SLC16A12: variants seen among roughly 807,000 people sequenced by gnomAD.
The protein encoded by SLC16A12 is solute carrier family 16 member 12, also known as monocarboxylate transporter 12.
A neutral mutation model predicts 42.4 loss-of-function variants in SLC16A12; 17 were observed. The ratio of observed to expected loss-of-function variants is 0.40; its 90% CI spans 0.27 to 0.60. The LOEUF (loss-of-function observed/expected upper bound fraction) is 0.60. Among genes scored for constraint, SLC16A12 ranks in the 20% least tolerant of loss-of-function variants. The pLI, the probability that SLC16A12 is intolerant of heterozygous loss-of-function variation, is 0.42. For missense variants in SLC16A12, 544 were observed against 623.0 expected, an observed-to-expected ratio of 0.87 and a Z score of 1.35; for synonymous variants, 224 against 229.4, an observed-to-expected ratio of 0.98 and a Z score of 0.21.
intron 3 of SLC16A12, among the ~76,000 whole-genome samples, chr10:89,447,980 A>ATAT (rs1357397875): frequency 6.6e-6 from 1 of 152,196 alleles, no homozygotes; most frequent in Non-Finnish European, 1.5e-5. Context: ...GAATACTATA[A>ATAT]ACACCTCTAT....
rs1334897322 is a variant in SLC16A12, at chr10:89,509,486, CA to C, written c.-47+25014del. Reference sequence around the variant, plus strand: ...TCCATCACATAAACAGAACCAACAACAAAAACTACATTATCTTGATATTTGC... The same window carrying C: ...TCCATCACATAAACAGAACCAACAACAAAACTACATTATCTTGATATTTGC... On this transcript the variant is annotated intron_variant, in intron 2 of 7. Transcript: ENST00000371790. Among the ~76,000 whole-genome samples, 3 of 152,220 alleles carry C rather than the reference CA, an allele frequency of 2.0e-5. No homozygotes were observed. In the East Asian group the frequency reaches 5.8e-4, roughly 29 times the overall value.
chr10:89,465,565 GC>G (rs1842380450), intron 2 of SLC16A12, among the ~76,000 whole-genome samples: 1 of 152,158 alleles, frequency 6.6e-6, no homozygotes, highest in South Asian at 2.1e-4. Flanking sequence ...TGAATAAGTA[GC>G]TTTAACAGTC....
At chr10:89,443,037 T>G (rs1386542676) in intron 4 of SLC16A12, among the ~76,000 whole-genome samples, 1 of 152,204 alleles carries the variant, frequency 6.6e-6, no homozygotes. Context: ...TGAAATTTAT[T>G]TTAAACAAAT....
intron 2 of SLC16A12, among the ~76,000 whole-genome samples, chr10:89,482,535 C>G (rs901561221): frequency 2.0e-5 from 3 of 152,116 alleles, no homozygotes; most frequent in African/African-American, 7.2e-5. Flanking sequence ...AATCCCAGCA[C>G]TTGGGGAGGC....
At chr10:89,434,078 G>A (rs1841737357) in intron 7 of SLC16A12, among the ~76,000 whole-genome samples, 1 of 152,094 alleles carries the variant, frequency 6.6e-6, no homozygotes, top group Non-Finnish European at 1.5e-5. Flanking sequence ...CACCAGAGAA[G>A]TATATGATTT....
intron 2 of SLC16A12, among the ~76,000 whole-genome samples, chr10:89,466,987 A>G (rs1412522899): frequency 6.6e-6 from 1 of 152,144 alleles, no homozygotes; most frequent in Non-Finnish European, 1.5e-5. Context: ...GTCTACCTAC[A>G]CCTGTGACAA....
upstream of SLC16A12, among the ~76,000 whole-genome samples, chr10:89,539,501 C>A (rs1014092771): frequency 6.6e-6 from 1 of 152,180 alleles, no homozygotes; most frequent in Non-Finnish European, 1.5e-5. Context: ...TTCTGAGAAG[C>A]CTGACACCTT....
chr10:89,436,840 A>AAGGAAG (rs1841796281), intron 6 of SLC16A12, among the ~76,000 whole-genome samples: 9 of 140,422 alleles, frequency 6.4e-5, no homozygotes, highest in African/African-American at 2.5e-4. Context: ...GGAAATAAGG[A>AAGGAAG]GAAAGAAAGA....
intron 2 of SLC16A12, among the ~76,000 whole-genome samples, chr10:89,483,064 A>C (rs1842691774): frequency 6.6e-6 from 1 of 152,170 alleles, no homozygotes; most frequent in Non-Finnish European, 1.5e-5. Flanking sequence ...CAGCAAATTC[A>C]GTTTCTGGGG....
chr10:89,545,964 G>C (rs1186986733), intron 2 of SLC16A12, among the ~76,000 whole-genome samples: 1 of 152,130 alleles, frequency 6.6e-6, no homozygotes, highest in Non-Finnish European at 1.5e-5. Context: ...GTAGTAAATG[G>C]TGCTGGGAAA....
intron 2 of SLC16A12, among the ~76,000 whole-genome samples, chr10:89,468,301 C>A (rs1842437627): frequency 6.6e-6 from 1 of 152,148 alleles, no homozygotes. Context: ...AACAATTTCT[C>A]ATGAATAAGC....
chr10:89,539,905 C>CTTTCTT (rs1554834033), upstream of SLC16A12, among the ~76,000 whole-genome samples: 38 of 140,732 alleles, frequency 2.7e-4, no homozygotes, highest in African/African-American at 1.0e-3. Context: ...TTCTTTCTTT[C>CTTTCTT]TTTCTTTTTT....
chr10:89,511,391 T>C (rs1037636251), intron 2 of SLC16A12, among the ~76,000 whole-genome samples: 2 of 152,210 alleles, frequency 1.3e-5, no homozygotes, highest in East Asian at 1.9e-4. Context: ...CATGGAATAC[T>C]ATGCAGCCAT....
intron 3 of SLC16A12, among the ~76,000 whole-genome samples, chr10:89,458,460 A>G (rs536545088): frequency 2.6e-5 from 4 of 152,326 alleles, no homozygotes; most frequent in African/African-American, 9.6e-5. Context: ...CAGAGGACTT[A>G]AGAGTTAAGC....
upstream of SLC16A12, among the ~76,000 whole-genome samples, chr10:89,539,901 C>CTTTCTTTA (rs1564604806): frequency 7.2e-6 from 1 of 139,190 alleles, no homozygotes; most frequent in Non-Finnish European, 1.6e-5. Flanking sequence ...TTCTTTCTTT[C>CTTTCTTTA]TTTCTTTCTT....
At chr10:89,449,787 A>T (rs1402203416) in intron 3 of SLC16A12, among the ~76,000 whole-genome samples, 1 of 152,260 alleles carries the variant, frequency 6.6e-6, no homozygotes, top group African/African-American at 2.4e-5. Flanking sequence ...GAGCTTCTGC[A>T]CAGCAAAAGA....
intron 2 of SLC16A12, among the ~76,000 whole-genome samples, chr10:89,481,117 C>T (rs1842654730): frequency 6.6e-6 from 1 of 152,102 alleles, no homozygotes; most frequent in South Asian, 2.1e-4. Flanking sequence ...GGGATATTAA[C>T]TCTAAATCAG....
chr10:89,455,235 C>A (rs1169428749), intron 3 of SLC16A12, among the ~76,000 whole-genome samples: 1 of 151,950 alleles, frequency 6.6e-6, no homozygotes, highest in Non-Finnish European at 1.5e-5. Context: ...GAGAAAAGGG[C>A]CCCCAGATGA....
At chr10:89,442,919 G>A (rs10788643) in intron 4 of SLC16A12, among the ~76,000 whole-genome samples, 11 of 152,032 alleles carry the variant, frequency 7.2e-5, no homozygotes, top group African/African-American at 2.2e-4. Flanking sequence ...GAAAATTTCC[G>A]AAAATACTCA....
Sources: gnomAD v4.1 joint callset for allele counts (sites outside exome capture counted in the v4.1 genomes callset) on GRCh38, gnomAD v4.1.1 for gene constraint, MANE v1.5 for transcripts, NCBI Gene and HGNC (gene_info 2026-07-23, HGNC 2026-07-21) for gene names.